The following ZNF30 variants were observed in gnomAD, a reference collection of about 807,000 sequenced individuals.
The protein encoded by ZNF30 is zinc finger protein 30, also known as zinc finger protein 30 (KOX 28).
Under a neutral mutation model 13.2 loss-of-function variants are expected in ZNF30, and 15 were observed. The ratio of observed to expected loss-of-function variants is 1.13; its 90% CI spans 0.76 to 1.75. The LOEUF (loss-of-function observed/expected upper bound fraction) is 1.75. Among genes scored for constraint, ZNF30 ranks in the 40% most tolerant of loss-of-function variants. The probability of loss-of-function intolerance (pLI) is 0.00; values close to 1 mark genes in which losing one functional copy is unlikely to be tolerated. For synonymous variants in ZNF30, 223 were observed against 256.6 expected, an observed-to-expected ratio of 0.87 and a Z score of 1.25; for missense variants, 726 against 757.0, an observed-to-expected ratio of 0.96 and a Z score of 0.48.
At chr19:34,941,079 A>G (rs1600230225) in intron 4 of ZNF30, among the ~76,000 whole-genome samples, 1 of 152,192 alleles carries the variant, frequency 6.6e-6, no homozygotes, top group East Asian at 1.9e-4. Flanking sequence ...TGTATTTTGA[A>G]CCAGTTGCCT....
In ZNF30 at chr19:34,943,544, A is replaced by G. The variant is rs62122088; in HGVS notation, c.578A>G (p.Lys193Arg). The stretch of plus-strand genomic sequence containing the variant: ...TTTATCAGTGGCTCAGCCTTTGTTA[A>G]GCATGGGAGAATTCACACTGGTGAG... Reference protein sequence around the residue: ...KAFISGSAFVKHGRIHTGEKP... With the variant: ...KAFISGSAFVRHGRIHTGEKP... The change falls in exon 5 of 5, where the codon AAG becomes AGG. Residue 193 changes from lysine to arginine, a missense_variant. Transcript: ENST00000601142. The G allele has an allele frequency of 0.14, 225,047 of 1,613,506 alleles. 16,640 individuals carry two copies. The highest frequency in any genetic ancestry group is 0.15 in the Non-Finnish European group (177,375 of 1,179,644).
At chr19:34,927,285 G>C (rs1172233943) in intron 1 of ZNF30, 69 bp downstream of exon 1, 1 of 352,158 alleles carries the variant, frequency 2.8e-6, no homozygotes, top group African/African-American at 2.1e-5. Context: ...CAGGGAGGGT[G>C]CGTCGGCCGG....
intron 4 of ZNF30, among the ~76,000 whole-genome samples, chr19:34,938,255 A>G (rs1013844832): frequency 6.6e-6 from 1 of 152,110 alleles, no homozygotes; most frequent in African/African-American, 2.4e-5. Flanking sequence ...ATTTTAAAAA[A>G]TAATAATAAA....
intron 2 of ZNF30, among the ~76,000 whole-genome samples, chr19:34,931,608 G>A (rs778493305): frequency 6.6e-6 from 1 of 152,104 alleles, no homozygotes; most frequent in African/African-American, 2.4e-5. Context: ...AGGGAAACTA[G>A]GATTCTTTTA....
chr19:34,930,597 C>T (rs2012395959), intron 2 of ZNF30, among the ~76,000 whole-genome samples: 1 of 152,184 alleles, frequency 6.6e-6, no homozygotes, highest in South Asian at 2.1e-4. Context: ...GTGGCTCACA[C>T]CTGTAAACCC....
intron 3 of ZNF30, among the ~76,000 whole-genome samples, chr19:34,932,537 G>T (rs1379814936): frequency 1.3e-5 from 2 of 151,988 alleles, no homozygotes; most frequent in Non-Finnish European, 2.9e-5. Context: ...AACACACAGC[G>T]TGCTTACTGT....
At chr19:34,928,208 T>TAAAAAAAAAA (rs386388919) in intron 1 of ZNF30, among the ~76,000 whole-genome samples, 8 of 70,584 alleles carry the variant, frequency 1.1e-4, no homozygotes, top group African/African-American at 4.2e-4. Context: ...ATCCCTTCTC[T>TAAAAAAAAAA]AAAAAAAAAA....
chr19:34,928,208 TAAA>T lies in ZNF30; in HGVS notation c.-65+1003_-65+1005del, dbSNP rs386388919. On this transcript the variant is annotated intron_variant, in intron 1 of 4. Transcript: ENST00000601142. ...GGGCGACAGAGCGAGATCCCTTCTC[TAAA>T]AAAAAAAAAATATATATATATATAT... Among the ~76,000 whole-genome samples, 165 of 70,642 alleles carry T rather than the reference TAAA, an allele frequency of 2.3e-3. 3 individuals are homozygous for T. Among genetic ancestry groups the T allele is most frequent in the African/African-American group, 7.9e-3 (150 of 18,982 alleles). 46.3% of individuals were successfully genotyped at this position (70,642 alleles called of 152,430 possible).
upstream of ZNF30, chr19:34,926,666 G>A: frequency 3.3e-6 from 1 of 302,256 alleles, no homozygotes; most frequent in Non-Finnish European, 6.0e-6. Flanking sequence ...TTGTGTTAAA[G>A]TAATAACATA....
intron 3 of ZNF30, among the ~76,000 whole-genome samples, chr19:34,932,662 G>A (rs902763081): frequency 1.1e-4 from 17 of 152,100 alleles, no homozygotes; most frequent in Admixed American, 2.0e-4. Flanking sequence ...GCTAAATAAA[G>A]CACAGTGTGT....
chr19:34,931,597 C>T (rs1188441147), intron 2 of ZNF30, among the ~76,000 whole-genome samples: 1 of 152,156 alleles, frequency 6.6e-6, no homozygotes, highest in African/African-American at 2.4e-5. Context: ...TTTTACTTAA[C>T]AGGGAAACTA....
chr19:34,941,927 CTG>C (rs2013068602), intron 4 of ZNF30, among the ~76,000 whole-genome samples: 2 of 152,166 alleles, frequency 1.3e-5, no homozygotes, highest in African/African-American at 2.4e-5. Flanking sequence ...CATTAAAAGA[CTG>C]TTTACTAGAT....
At chr19:34,939,791 A>G (rs993120930) in intron 4 of ZNF30, among the ~76,000 whole-genome samples, 95 of 152,272 alleles carry the variant, frequency 6.2e-4, no homozygotes, top group African/African-American at 2.1e-3. Flanking sequence ...TTTCCTATTT[A>G]GTCTTTCTTT....
At chr19:34,942,627 C>T (rs1568543750) in intron 4 of ZNF30, 1 of 1,288,682 alleles carries the variant, frequency 7.8e-7, no homozygotes, top group Admixed American at 2.3e-5. Flanking sequence ...ACAAAACATG[C>T]CAGAAGATTT....
At chr19:34,937,850 G>A (rs997542089) in intron 4 of ZNF30, among the ~76,000 whole-genome samples, 10 of 152,118 alleles carry the variant, frequency 6.6e-5, no homozygotes, top group Non-Finnish European at 4.4e-5. Context: ...CCAGGCTAGA[G>A]TGCAGTGGTG....
intron 4 of ZNF30, among the ~76,000 whole-genome samples, chr19:34,940,574 A>G (rs1318012647): frequency 1.3e-5 from 2 of 150,276 alleles, no homozygotes; most frequent in African/African-American, 2.5e-5. Flanking sequence ...AGGCTGAGGC[A>G]GGAGAATCAC....
Position 34,944,496 on chromosome 19 carries a change from G to A in ZNF30, c.1530G>A (p.Lys510=). The A allele has an allele frequency of 2.5e-6, 4 of 1,612,996 alleles. No homozygotes were observed. The highest frequency in any genetic ancestry group is 3.4e-6 in the Non-Finnish European group (4 of 1,179,768). The change falls in exon 5 of 5, where the codon AAG becomes AAA. Residue 510 remains lysine, a synonymous_variant. Transcript: ENST00000601142. ...ATAGCAGAATCCATACTGGTAAGAAGCCCTATGAGTGTAAGGAGTGTGGCA... is the reference window on the plus strand; with the variant it reads ...ATAGCAGAATCCATACTGGTAAGAAACCCTATGAGTGTAAGGAGTGTGGCA... ...VQHSRIHTGK[K]PYECKECGKA...
At chr19:34,926,729 C>T, upstream of ZNF30, 1 of 390,992 alleles carries the variant, frequency 2.6e-6, no homozygotes, top group South Asian at 1.4e-4. Flanking sequence ...TTTTTCTGAC[C>T]TGGTGTGTTA....
intron 4 of ZNF30, among the ~76,000 whole-genome samples, chr19:34,936,279 T>A (rs956546122): frequency 2.0e-5 from 3 of 152,152 alleles, no homozygotes; most frequent in Non-Finnish European, 4.4e-5. Context: ...GATTAGGATG[T>A]TAATGGTGGA....
Sources: gnomAD v4.1 joint callset for allele counts (sites outside exome capture counted in the v4.1 genomes callset) on GRCh38, gnomAD v4.1.1 for gene constraint, MANE v1.5 for transcripts, NCBI Gene and HGNC (gene_info 2026-07-23, HGNC 2026-07-21) for gene names.